PDGFRL: variants seen among roughly 807,000 people sequenced by gnomAD.
PDGFRL encodes the protein platelet-derived growth factor receptor-like protein.
In PDGFRL, 46 loss-of-function variants were observed where a neutral mutation model predicts 37.2. That is an observed-to-expected ratio of 1.24 (90% confidence interval 0.98 to 1.58). PDGFRL has a LOEUF of 1.58. Ranked by LOEUF, PDGFRL falls within the 40% of genes most tolerant of loss-of-function variation. PDGFRL has a pLI of 0.00. For missense variants in PDGFRL, 692 were observed against 467.6 expected (o/e 1.48, Z -4.43); for synonymous variants, 251 against 184.3 (o/e 1.36, Z -2.93).
intron 1 of PDGFRL, among the ~76,000 whole-genome samples, chr8:17,578,573 C>T (rs2720575): frequency 0.74 from 112,069 of 151,856 alleles, 42,685 homozygotes; most frequent in Non-Finnish European, 0.83. Flanking sequence ...TGTGTGCAAC[C>T]GCTGAAAAGG....
At chr8:17,609,475 GAA>G (rs879288653) in intron 2 of PDGFRL, among the ~76,000 whole-genome samples, 1 of 140,982 alleles carries the variant, frequency 7.1e-6, no homozygotes, top group Non-Finnish European at 1.6e-5. Flanking sequence ...ACTCTGTCTG[GAA>G]AAAAAAAAAA....
chr8:17,587,671 G>A (rs571299534), intron 1 of PDGFRL, among the ~76,000 whole-genome samples: 1 of 152,030 alleles, frequency 6.6e-6, no homozygotes, highest in Non-Finnish European at 1.5e-5. Context: ...CAGTCTCCAG[G>A]CATTGGAGTG....
chr8:17,596,410 C>T, intron 2 of PDGFRL: 1 of 743,354 alleles, frequency 1.3e-6, no homozygotes, highest in Non-Finnish European at 1.8e-6. Flanking sequence ...CGACCTTATT[C>T]ACCAAAGTCA....
At chr8:17,630,382 C>T (rs1046302905) in intron 4 of PDGFRL, among the ~76,000 whole-genome samples, 5 of 152,190 alleles carry the variant, frequency 3.3e-5, no homozygotes, top group Admixed American at 1.3e-4. Context: ...TGGTAACTGC[C>T]ATCCGTTCCA....
chr8:17,591,845 G>C (rs1363856535), intron 2 of PDGFRL, among the ~76,000 whole-genome samples: 1 of 152,284 alleles, frequency 6.6e-6, no homozygotes, highest in East Asian at 1.9e-4. Flanking sequence ...GAACCTGGGA[G>C]GCGGAGGTTG....
rs367955531 is a variant in PDGFRL, at chr8:17,577,290, A to G, written c.38A>G (p.His13Arg). ...VWLLLGLLLV[H>R]EALEDVTGQH... ...CTGCTGCTTGGTCTTCTGCTGGTGC[A>G]CGAAGCGCTGGAGGATGGTGAGTGA... The change falls in exon 1 of 6, where the codon CAC becomes CGC. Residue 13 changes from histidine (H) to arginine (R), a missense_variant. By Grantham distance (29) the His-to-Arg change is conservative. Transcript: ENST00000251630. 5 of 1,612,700 alleles carry G rather than the reference A, an allele frequency of 3.1e-6. No homozygotes were observed. The highest frequency in any genetic ancestry group is 3.4e-6 in the Non-Finnish European group (4 of 1,179,578).
intron 2 of PDGFRL, among the ~76,000 whole-genome samples, chr8:17,606,534 G>A (rs932968951): frequency 6.6e-5 from 10 of 152,184 alleles, no homozygotes; most frequent in African/African-American, 2.4e-4. Context: ...AACCAATGCT[G>A]AAGGTAGAGC....
At chr8:17,591,887 G>T (rs1803948271) in intron 2 of PDGFRL, among the ~76,000 whole-genome samples, 1 of 152,162 alleles carries the variant, frequency 6.6e-6, no homozygotes, top group African/African-American at 2.4e-5. Context: ...CTGTGCTCCA[G>T]CCTAGCAACA....
chr8:17,585,875 G>T (rs1046406522), intron 1 of PDGFRL, among the ~76,000 whole-genome samples: 1 of 152,128 alleles, frequency 6.6e-6, no homozygotes, highest in African/African-American at 2.4e-5. Flanking sequence ...GAATAATCAT[G>T]GTCCTTTTTC....
At chr8:17,594,455 G>C (rs778861011) in intron 2 of PDGFRL, among the ~76,000 whole-genome samples, 3 of 151,958 alleles carry the variant, frequency 2.0e-5, no homozygotes, top group Non-Finnish European at 4.4e-5. Flanking sequence ...TGGCCAGGCT[G>C]GTCTTGAATT....
chr8:17,620,247 C>A (rs894435218), intron 2 of PDGFRL, among the ~76,000 whole-genome samples: 4 of 152,152 alleles, frequency 2.6e-5, no homozygotes, highest in Non-Finnish European at 5.9e-5. Flanking sequence ...TAGGCATGAA[C>A]CACTGCCAAA....
chr8:17,584,412 G>A (rs918109926), intron 1 of PDGFRL, among the ~76,000 whole-genome samples: 1 of 151,526 alleles, frequency 6.6e-6, no homozygotes, highest in African/African-American at 2.4e-5. Context: ...GTCAGGACAG[G>A]AGCTAGGGCA....
At chr8:17,620,900 T>A (rs1804616660) in intron 2 of PDGFRL, 151 bp from the exon 3 acceptor site, 1 of 408,030 alleles carries the variant, frequency 2.5e-6, no homozygotes, top group African/African-American at 2.1e-5. Context: ...TCTAGGGGTG[T>A]TTGACAAGTC....
At chr8:17,642,589 G>A (rs533413634) in intron 5 of PDGFRL, 24 bp from the exon 6 acceptor site, 3 of 1,514,270 alleles carry the variant, frequency 2.0e-6, no homozygotes, top group East Asian at 2.3e-5. Context: ...TCTTGCTTCA[G>A]TCTTTGTGGG....
Position 17,628,735 on chromosome 8 carries a change from G to T in PDGFRL, c.754G>T (p.Gly252Cys). 14 of 1,614,054 alleles carry T rather than the reference G, an allele frequency of 8.7e-6. No homozygotes were observed. The highest frequency in any genetic ancestry group is 1.2e-5 in the Non-Finnish European group (14 of 1,179,958). The change falls in exon 4 of 6, where the codon GGC becomes TGC. Residue 252 changes from glycine (G) to cysteine (C), a missense_variant. Gly to Cys is a radical substitution (Grantham distance 159). Transcript: ENST00000251630. Reference protein sequence around the residue: ...GVVYCRAEAGGRSQISVKYQL... With the variant: ...GVVYCRAEAGCRSQISVKYQL... ...GGTTTACTGCAGGGCGGAGGCCGGG[G>T]GCAGATCTCAGATCTCCGTCAAGTA... is the stretch of plus-strand genomic sequence containing the variant.
rs372787079 is a variant in PDGFRL at position 17,621,044 on chromosome 8, T to C, written c.354-7T>C. On this transcript the variant is annotated splice_polypyrimidine_tract_variant and splice_region_variant and intron_variant, in intron 2 of 5. Transcript: ENST00000251630. ...TTGCTTTGAGTTCATGTGTCTTTTATTCCTAGCGTCAAGCAGAATGAGCGC... is the reference window on the plus strand; with the variant it reads ...TTGCTTTGAGTTCATGTGTCTTTTACTCCTAGCGTCAAGCAGAATGAGCGC... 3.3e-5 allele frequency: 52 copies of C among 1,591,864 alleles called. No homozygotes were observed. In the South Asian group the frequency reaches 3.6e-4, roughly 11 times the overall value.
chr8:17,578,844 T>G (rs1404374049), intron 1 of PDGFRL, among the ~76,000 whole-genome samples: 1 of 152,206 alleles, frequency 6.6e-6, no homozygotes, highest in Non-Finnish European at 1.5e-5. Flanking sequence ...GAATACAGAC[T>G]GAATGTAAGA....
chr8:17,609,565 G>T (rs989730233), intron 2 of PDGFRL, among the ~76,000 whole-genome samples: 2 of 144,670 alleles, frequency 1.4e-5, no homozygotes, highest in African/African-American at 5.1e-5. Context: ...TTGAACCTGG[G>T]AGGTGGAGGT....
intron 3 of PDGFRL, among the ~76,000 whole-genome samples, chr8:17,626,206 G>T (rs1362585607): frequency 6.6e-6 from 1 of 152,156 alleles, no homozygotes; most frequent in Non-Finnish European, 1.5e-5. Context: ...TGACAAATGT[G>T]GACATTGAAG....
Sources: gnomAD v4.1 joint callset for allele counts (sites outside exome capture counted in the v4.1 genomes callset) on GRCh38, gnomAD v4.1.1 for gene constraint, MANE v1.5 for transcripts, NCBI Gene and HGNC (gene_info 2026-07-23, HGNC 2026-07-21) for gene names.